NRXN3: variants seen among roughly 807,000 people sequenced by gnomAD.
NRXN3 encodes neurexin III.
NRXN3 carries 32 observed loss-of-function variants against 137.6 expected under a neutral mutation model. The ratio of observed to expected loss-of-function variants is 0.23; its 90% CI spans 0.18 to 0.31. The LOEUF is 0.31. NRXN3 is among the 10% of genes least tolerant of loss of function. The pLI is 1.00. For synonymous variants in NRXN3, 798 were observed against 784.5 expected, an observed-to-expected ratio of 1.02 and a Z score of -0.29; for missense variants, 1,574 against 2,062.5, an observed-to-expected ratio of 0.76 and a Z score of 4.59.
chr14:79,016,040 G>A (rs1210371809), intron 15 of NRXN3, among the ~76,000 whole-genome samples: 1 of 152,130 alleles, frequency 6.6e-6, no homozygotes, highest in Non-Finnish European at 1.5e-5. Context: ...CAAAGCAAGT[G>A]TCTTTCCCTT....
intron 1 of NRXN3, among the ~76,000 whole-genome samples, chr14:78,175,868 T>G (rs971434413): frequency 6.6e-6 from 1 of 152,244 alleles, no homozygotes; most frequent in Non-Finnish European, 1.5e-5. Context: ...TCTTTAATTT[T>G]AATCGGTGAA....
At chr14:78,475,902 T>C (rs992534397) in intron 4 of NRXN3, among the ~76,000 whole-genome samples, 2 of 152,152 alleles carry the variant, frequency 1.3e-5, no homozygotes, top group Non-Finnish European at 2.9e-5. Flanking sequence ...GTACTAGAGA[T>C]AATAAGGTAT....
intron 4 of NRXN3, among the ~76,000 whole-genome samples, chr14:78,382,401 T>C (rs546932607): frequency 6.6e-6 from 1 of 152,318 alleles, no homozygotes; most frequent in Non-Finnish European, 1.5e-5. Context: ...TTGTTAGTGA[T>C]GCATTCTGTG....
intron 20 of NRXN3, among the ~76,000 whole-genome samples, chr14:79,808,497 T>C (rs566979885): frequency 6.6e-6 from 1 of 152,146 alleles, no homozygotes; most frequent in African/African-American, 2.4e-5. Context: ...TTGAACACCC[T>C]AATTCACTGC....
At chr14:79,475,715 T>G (rs2096553695) in intron 16 of NRXN3, among the ~76,000 whole-genome samples, 1 of 152,154 alleles carries the variant, frequency 6.6e-6, no homozygotes, top group Non-Finnish European at 1.5e-5. Flanking sequence ...TTTCTTCAAC[T>G]AACTCATTTT....
rs147728670 is a variant in NRXN3 at position 79,242,190 on chromosome 14, C to A, written c.3263-225031C>A. On this transcript the variant is annotated intron_variant, in intron 15 of 20. Coordinates refer to ENST00000335750, the MANE Select transcript of NRXN3 (RefSeq NM_001330195.2). ...ATGTAACGTGTATAAGGTAACACAG[C>A]CAGTGATTCAAGCCCAGGTCTATCT... 6.3e-3 allele frequency among the ~76,000 whole-genome samples: 964 copies of A among 152,246 alleles called. 6 individuals are homozygous for A. Among genetic ancestry groups the A allele is most frequent in the Middle Eastern group, 0.031 (9 of 292 alleles).
intron 8 of NRXN3, among the ~76,000 whole-genome samples, chr14:78,781,544 C>T (rs2098769571): frequency 6.6e-6 from 1 of 152,164 alleles, no homozygotes; most frequent in Non-Finnish European, 1.5e-5. Context: ...AAAGTTCTTA[C>T]ACTCCCTGCT....
At chr14:78,617,457 G>A (rs900012987) in intron 4 of NRXN3, among the ~76,000 whole-genome samples, 5 of 152,198 alleles carry the variant, frequency 3.3e-5, no homozygotes, top group African/African-American at 7.2e-5. Flanking sequence ...TATAGGACAT[G>A]CTGTCCTGCA....
chr14:79,719,402 G>GTATATA lies in NRXN3; in HGVS notation c.4014+21478_4014+21483dup, dbSNP rs143848752. Among the ~76,000 whole-genome samples the GTATATA allele has an allele frequency of 3.5e-3, 498 of 142,302 alleles. 2 individuals carry two copies. Among genetic ancestry groups the GTATATA allele is most frequent in the African/African-American group, 0.013 (471 of 37,432 alleles). The allele number at this position is 142,302 out of a possible 152,430, so 93.4% of individuals were successfully genotyped here. On this transcript the variant is annotated intron_variant, in intron 19 of 20. Coordinates refer to ENST00000335750, the MANE Select transcript of NRXN3 (RefSeq NM_001330195.2). ...TATATGTGTGTGTATATATATGTGT[G>GTATATA]TATATATATATATATATACCTTTCC...
chr14:79,787,008 A>T (rs1021776643), intron 19 of NRXN3, among the ~76,000 whole-genome samples: 2 of 152,164 alleles, frequency 1.3e-5, no homozygotes, highest in Non-Finnish European at 2.9e-5. Context: ...GAGAAGCAAA[A>T]CCCCAAATCT....
intron 10 of NRXN3, among the ~76,000 whole-genome samples, chr14:78,845,729 G>T (rs187924034): frequency 6.6e-6 from 1 of 151,966 alleles, no homozygotes; most frequent in African/African-American, 2.4e-5. Flanking sequence ...TTCATTCTGC[G>T]TGTAAGATCT....
At chr14:79,113,754 C>A (rs534984264) in intron 15 of NRXN3, among the ~76,000 whole-genome samples, 1 of 152,146 alleles carries the variant, frequency 6.6e-6, no homozygotes, top group South Asian at 2.1e-4. Flanking sequence ...GACTTCCATG[C>A]AACTTTTGAT....
Position 78,602,267 on chromosome 14 carries a change from C to CTTTTTTTTTTTTTT in NRXN3, c.758-42845_758-42832dup, listed in dbSNP as rs370669288. 4.5e-3 allele frequency among the ~76,000 whole-genome samples: 518 copies of CTTTTTTTTTTTTTT among 115,164 alleles called. 13 individuals are homozygous for CTTTTTTTTTTTTTT. Among genetic ancestry groups the CTTTTTTTTTTTTTT allele is most frequent in the Non-Finnish European group, 5.4e-3 (318 of 59,080 alleles). The allele number at this position is 115,164 out of a possible 152,430, so 75.6% of individuals were successfully genotyped here. A position where few individuals can be genotyped will look rare whatever the true frequency, so the allele number is the denominator to read the frequency against. ...GGTTTGGTTTGCATTTCACATTAGC[C>CTTTTTTTTTTTTTT]TTTTTTTTTTTTTTTTTTTTTAAAT... On this transcript the variant is annotated intron_variant, in intron 4 of 20. Coordinates refer to ENST00000335750, the MANE Select transcript of NRXN3 (RefSeq NM_001330195.2).
At chr14:79,629,816 T>TGTGTGTGTGC (rs1567714159) in intron 16 of NRXN3, among the ~76,000 whole-genome samples, 2 of 76,814 alleles carry the variant, frequency 2.6e-5, no homozygotes, top group African/African-American at 2.3e-4. Context: ...TGTATGTGCG[T>TGTGTGTGTGC]GTGTGTGTGC....
At chr14:78,225,668 A>G (rs2064456509) in intron 1 of NRXN3, among the ~76,000 whole-genome samples, 1 of 151,616 alleles carries the variant, frequency 6.6e-6, no homozygotes, top group African/African-American at 2.4e-5. Flanking sequence ...TTTTTTTCCC[A>G]CTATTCGCTC....
intron 4 of NRXN3, among the ~76,000 whole-genome samples, chr14:78,561,192 A>C (rs1170182768): frequency 1.3e-5 from 2 of 152,226 alleles, no homozygotes; most frequent in Admixed American, 1.3e-4. Flanking sequence ...TCTACAGCAG[A>C]GAAAGAACAA....
At position 79,301,081 on chromosome 14, in the gene NRXN3, A is replaced by G. The variant is rs959133080; in HGVS notation, c.3263-166140A>G. Among the ~76,000 whole-genome samples the G allele has an allele frequency of 7.9e-5, 12 of 152,166 alleles. No homozygotes were observed. The South Asian group carries it at 2.3e-3, about 29-fold the overall frequency. Reference sequence around the variant, plus strand: ...CCAATTTCATATATATAATACTTCTAACTTTTCAGAGGATTTTTATTTCTC... The same window carrying G: ...CCAATTTCATATATATAATACTTCTGACTTTTCAGAGGATTTTTATTTCTC... On this transcript the variant is annotated intron_variant, in intron 15 of 20. Coordinates refer to ENST00000335750, the MANE Select transcript of NRXN3 (RefSeq NM_001330195.2).
intron 15 of NRXN3, among the ~76,000 whole-genome samples, chr14:79,371,776 G>A (rs1302665125): frequency 1.3e-5 from 2 of 152,012 alleles, no homozygotes; most frequent in Non-Finnish European, 1.5e-5. Flanking sequence ...TAATGGTACT[G>A]CCCATTTTAT....
intron 10 of NRXN3, among the ~76,000 whole-genome samples, chr14:78,926,661 ATT>A (rs2099293705): frequency 9.8e-6 from 1 of 101,706 alleles, no homozygotes; most frequent in Non-Finnish European, 1.9e-5. Flanking sequence ...ATATATATTT[ATT>A]ATATATATAA....
Sources: allele counts gnomAD v4.1 joint callset (sites outside exome capture counted in the v4.1 genomes callset), GRCh38; gene constraint gnomAD v4.1.1; transcripts MANE v1.5; gene names NCBI Gene and HGNC (gene_info 2026-07-23, HGNC 2026-07-21).